AFF1: variants seen among roughly 807,000 people sequenced by gnomAD.
AFF1 encodes the protein ALF transcription elongation factor 1.
AFF1 carries 48 observed loss-of-function variants against 121.7 expected under a neutral mutation model. The ratio of observed to expected loss-of-function variants is 0.39; its 90% CI spans 0.31 to 0.50. The LOEUF (loss-of-function observed/expected upper bound fraction) is 0.50, where lower values mean the gene tolerates loss of function less well. AFF1 is among the 20% of genes least tolerant of loss of function. AFF1 has a pLI of 0.76. For missense variants in AFF1, 1,523 were observed against 1,511.7 expected, an observed-to-expected ratio of 1.01 and a Z score of -0.12; for synonymous variants, 613 against 563.0, an observed-to-expected ratio of 1.09 and a Z score of -1.26.
intron 2 of AFF1, among the ~76,000 whole-genome samples, chr4:87,022,661 T>TA (rs11371572): frequency 0.65 from 42,391 of 65,274 alleles, 14,544 homozygotes; most frequent in Non-Finnish European, 0.81. Flanking sequence ...TGTATATATA[T>TA]GTGTGTGTAT....
chr4:87,019,111 A>C (rs1260554651), intron 2 of AFF1, among the ~76,000 whole-genome samples: 2 of 152,258 alleles, frequency 1.3e-5, no homozygotes, highest in Non-Finnish European at 2.9e-5. Context: ...GATAAATAGC[A>C]AAGCCCATGA....
Position 87,008,346 on chromosome 4 carries a change from A to G in AFF1, c.39-37820A>G, listed in dbSNP as rs149740535. 2.0e-4 allele frequency among the ~76,000 whole-genome samples: 31 copies of G among 152,310 alleles called. No individual in the cohort carries two copies. The East Asian group carries it at 5.6e-3, about 27-fold the overall frequency. ...CTGAAGACTCAGATCATGGAGAGAA[A>G]TGGATGTTAAATGTTCATGTTTGGG... On this transcript the variant is annotated intron_variant, in intron 2 of 20. Transcript: ENST00000395146.
intron 18 of AFF1, among the ~76,000 whole-genome samples, 159 bp from the exon 19 acceptor site, chr4:87,132,112 T>C (rs972364814): frequency 2.1e-4 from 32 of 152,246 alleles, no homozygotes; most frequent in African/African-American, 7.5e-4. Context: ...TACCAGCATT[T>C]ACTTTTGGGA....
intron 2 of AFF1, among the ~76,000 whole-genome samples, chr4:87,029,800 TC>T (rs1218142161): frequency 2.0e-5 from 3 of 152,116 alleles, no homozygotes; most frequent in Admixed American, 6.5e-5. Flanking sequence ...TTCCCACACT[TC>T]CATCAACACA....
In AFF1 at chr4:87,070,753, A is replaced by G. The variant is rs546140394; in HGVS notation, c.1060-13367A>G. On this transcript the variant is annotated intron_variant, in intron 4 of 20. Transcript: ENST00000395146. ...AAAATTTCAAAATAATTTTCCTTCA[A>G]TACAGACAGGTGTACTAGAGAAATT... Among the ~76,000 whole-genome samples the G allele has an allele frequency of 5.9e-5, 9 of 152,358 alleles. No homozygotes were observed. In the South Asian group the frequency reaches 8.3e-4, roughly 14 times the overall value.
intron 14 of AFF1, among the ~76,000 whole-genome samples, chr4:87,126,681 T>G (rs541706933): frequency 1.3e-5 from 2 of 152,248 alleles, no homozygotes; most frequent in Admixed American, 1.3e-4. Context: ...TTGGTTATAG[T>G]GGGGAAAAAA....
At chr4:86,938,539 AAATT>A (rs1720219674) in intron 1 of AFF1, among the ~76,000 whole-genome samples, 1 of 152,140 alleles carries the variant, frequency 6.6e-6, no homozygotes. Flanking sequence ...CTCAAATAAT[AAATT>A]CAACAATGGT....
In AFF1 at chr4:87,055,527, A is replaced by G. The variant is rs199893659; in HGVS notation, c.1059+7933A>G. On this transcript the variant is annotated intron_variant, in intron 4 of 20. Coordinates refer to ENST00000395146, the MANE Select transcript of AFF1 (RefSeq NM_001166693.3). ...TTATTGGATCCCCCTGAGTCTCTCC[A>G]GTTGTGCCTTTGCCAAGATATAGAC... is the stretch of plus-strand genomic sequence containing the variant. 2.0e-5 allele frequency among the ~76,000 whole-genome samples: 3 copies of G among 152,202 alleles called. No individual in the cohort carries two copies. In the East Asian group the frequency reaches 5.8e-4, roughly 29 times the overall value.
At chr4:87,066,407 C>T (rs554813318) in intron 4 of AFF1, among the ~76,000 whole-genome samples, 32 of 152,104 alleles carry the variant, frequency 2.1e-4, no homozygotes, top group South Asian at 8.3e-4. Flanking sequence ...CAACATAGAC[C>T]GCCCCCCATC....
rs1723735129 is a variant in AFF1, at chr4:87,086,374, T to TA, written c.1104+2211dup. On this transcript the variant is annotated intron_variant, in intron 5 of 20. Coordinates refer to ENST00000395146, the MANE Select transcript of AFF1 (RefSeq NM_001166693.3). ...ATCCTTTATTTAGGAATGGTGGTAT[T>TA]ACAGCACCAGACAAGCATCTTTAAT... Among the ~76,000 whole-genome samples, 5 of 152,334 alleles carry TA rather than the reference T, an allele frequency of 3.3e-5. No individual in the cohort carries two copies. The South Asian group carries it at 1.0e-3, about 32-fold the overall frequency.
Position 87,130,849 on chromosome 4 carries a change from C to T in AFF1, c.2965-234C>T, listed in dbSNP as rs979001230. Among the ~76,000 whole-genome samples the T allele has an allele frequency of 3.9e-5, 6 of 152,192 alleles. No homozygotes were observed. In the East Asian group the frequency reaches 1.2e-3, roughly 29 times the overall value. ...ATGTGCTTTCATAAGGCTTTGAGAG[C>T]ATGGTCTTAATACGGGATCATTTTC... On this transcript the variant is annotated intron_variant, in intron 16 of 20. Coordinates refer to ENST00000395146, the MANE Select transcript of AFF1 (RefSeq NM_001166693.3).
At chr4:87,025,083 CT>C (rs1728393868) in intron 2 of AFF1, among the ~76,000 whole-genome samples, 1 of 152,204 alleles carries the variant, frequency 6.6e-6, no homozygotes, top group South Asian at 2.1e-4. Context: ...AGGCTGCCAG[CT>C]CTAGTGACCA....
chr4:86,970,407 C>G (rs1462994471), intron 2 of AFF1, among the ~76,000 whole-genome samples: 1 of 152,188 alleles, frequency 6.6e-6, no homozygotes, highest in African/African-American at 2.4e-5. Context: ...GAGTCCCCAT[C>G]CTGCTACCTC....
At chr4:87,028,290 A>G (rs1728731167) in intron 2 of AFF1, among the ~76,000 whole-genome samples, 1 of 151,926 alleles carries the variant, frequency 6.6e-6, no homozygotes, top group Non-Finnish European at 1.5e-5. Flanking sequence ...ATTAAAGTTC[A>G]GTATTTTTTT....
Position 87,094,941 on chromosome 4 carries a change from C to G in AFF1, c.1255C>G (p.His419Asp). The change falls in exon 8 of 21, where the codon CAC becomes GAC. Residue 419 changes from histidine to aspartate, a missense_variant. This residue lies in a region of AFF1 where 905 missense variants were observed against 842.5 expected (regional missense o/e 1.07). Coordinates refer to ENST00000395146, the MANE Select transcript of AFF1 (RefSeq NM_001166693.3). Reference protein sequence around the residue: ...QKQYDTSSKTHSNSQQGTSSM... With the variant: ...QKQYDTSSKTDSNSQQGTSSM... ...ACAATATGATACATCTTCAAAAACT[C>G]ACTCAAATTCTCAGCAAGGAACGTC... The G allele has an allele frequency of 6.2e-7, 1 of 1,613,970 alleles. No homozygotes were observed. Among genetic ancestry groups the G allele is most frequent in the Non-Finnish European group, 8.5e-7 (1 of 1,179,874 alleles).
At chr4:86,978,177 C>CTTGTTTTTTTTTTTTTTTTTTTTTTT (rs1723451642) in intron 2 of AFF1, among the ~76,000 whole-genome samples, 2 of 39,324 alleles carry the variant, frequency 5.1e-5, no homozygotes, top group Non-Finnish European at 9.1e-5. Context: ...ATTACATTCA[C>CTTGTTTTTTTTTTTTTTTTTTTTTTT]TTTTTTTTTT....
Position 87,016,928 on chromosome 4 carries a change from G to A in AFF1, c.39-29238G>A, listed in dbSNP as rs551889001. ...TAATTTTTTGAGGTTCATCTGTGGT[G>A]TACCATGTATCAGTGGTTCTATCCT... On this transcript the variant is annotated intron_variant, in intron 2 of 20. Coordinates refer to ENST00000395146, the MANE Select transcript of AFF1 (RefSeq NM_001166693.3). Among the ~76,000 whole-genome samples, 10 of 152,274 alleles carry A rather than the reference G, an allele frequency of 6.6e-5. No homozygotes were observed. The East Asian group carries it at 1.9e-3, about 29-fold the overall frequency.
intron 2 of AFF1, among the ~76,000 whole-genome samples, chr4:86,995,360 G>C (rs1008823001): frequency 6.9e-6 from 1 of 144,826 alleles, no homozygotes; most frequent in Non-Finnish European, 1.5e-5. Flanking sequence ...CTCTGATGCC[G>C]AGCCGAAGCT....
intron 4 of AFF1, among the ~76,000 whole-genome samples, chr4:87,060,005 T>C (rs957998488): frequency 2.0e-5 from 3 of 152,230 alleles, no homozygotes; most frequent in African/African-American, 4.8e-5. Flanking sequence ...AGATAATCTC[T>C]TAAATGCTTG....
Sources: allele counts gnomAD v4.1 joint callset (sites outside exome capture counted in the v4.1 genomes callset), GRCh38; gene constraint gnomAD v4.1.1; regional missense constraint gnomAD v4.1.1; transcripts MANE v1.5; gene names NCBI Gene and HGNC (gene_info 2026-07-23, HGNC 2026-07-21).